MAGI2: variants seen among roughly 807,000 people sequenced by gnomAD.
MAGI2 encodes membrane associated guanylate kinase, WW and PDZ domain containing 2.
MAGI2 carries 35 observed loss-of-function variants against 133.3 expected under a neutral mutation model. That is an observed-to-expected ratio of 0.26 (90% CI 0.20 to 0.35). The LOEUF is 0.35. Among genes scored for constraint, MAGI2 ranks in the 10% least tolerant of loss-of-function variants. MAGI2 has a pLI of 1.00. For synonymous variants in MAGI2, 729 were observed against 710.6 expected, an observed-to-expected ratio of 1.03 and a Z score of -0.41; for missense variants, 1,636 against 1,863.4, an observed-to-expected ratio of 0.88 and a Z score of 2.25.
chr7:78,057,995 A>ATGTGTGTGTGTGTGTGTGTG (rs1232878816), intron 21 of MAGI2, among the ~76,000 whole-genome samples: 1 of 30,374 alleles, frequency 3.3e-5, no homozygotes, highest in African/African-American at 1.8e-4. Flanking sequence ...ATATATATAT[A>ATGTGTGTGTGTGTGTGTGTG]TATATATATG....
At chr7:78,320,383 G>A (rs545230089) in intron 9 of MAGI2, among the ~76,000 whole-genome samples, 9 of 152,182 alleles carry the variant, frequency 5.9e-5, no homozygotes, top group Admixed American at 2.6e-4. Context: ...ATAAAATACC[G>A]GCAAACCACA....
intron 2 of MAGI2, among the ~76,000 whole-genome samples, chr7:78,731,878 G>A (rs1199527725): frequency 2.0e-5 from 3 of 152,082 alleles, no homozygotes; most frequent in Non-Finnish European, 2.9e-5. Flanking sequence ...TTCTGCATAC[G>A]TGTACTCACA....
intron 10 of MAGI2, among the ~76,000 whole-genome samples, chr7:78,248,574 A>G (rs925440376): frequency 6.6e-6 from 1 of 152,172 alleles, no homozygotes; most frequent in East Asian, 1.9e-4. Context: ...AAGGGATAGA[A>G]GAAGATATTC....
chr7:79,217,602 T>G (rs1006751402), intron 1 of MAGI2, among the ~76,000 whole-genome samples: 1 of 152,026 alleles, frequency 6.6e-6, no homozygotes, highest in Non-Finnish European at 1.5e-5. Context: ...AGTTGGAATG[T>G]AAACCAGGCA....
chr7:79,435,613 G>T (rs1848081477), intron 1 of MAGI2, among the ~76,000 whole-genome samples: 1 of 68,456 alleles, frequency 1.5e-5, no homozygotes, highest in Non-Finnish European at 3.0e-5. Context: ...AACTGAGAAG[G>T]TACCTATAAA....
intron 1 of MAGI2, among the ~76,000 whole-genome samples, chr7:79,172,677 G>T (rs1225502325): frequency 6.6e-6 from 1 of 151,930 alleles, no homozygotes; most frequent in African/African-American, 2.4e-5. Context: ...ACATATTAAA[G>T]AATATATACC....
At chr7:79,032,359 A>G (rs1177009474) in intron 1 of MAGI2, among the ~76,000 whole-genome samples, 3 of 152,034 alleles carry the variant, frequency 2.0e-5, no homozygotes, top group Non-Finnish European at 2.9e-5. Context: ...TCTACTAAAA[A>G]TATAAAAAAT....
At chr7:79,422,462 T>C (rs1847033371) in intron 1 of MAGI2, among the ~76,000 whole-genome samples, 1 of 151,982 alleles carries the variant, frequency 6.6e-6, no homozygotes, top group African/African-American at 2.4e-5. Context: ...TTAATTATAA[T>C]ATCAAACAAT....
At chr7:79,229,190 T>C (rs1423585939) in intron 1 of MAGI2, among the ~76,000 whole-genome samples, 1 of 152,070 alleles carries the variant, frequency 6.6e-6, no homozygotes, top group Non-Finnish European at 1.5e-5. Flanking sequence ...ATAGTTTGTA[T>C]GGCTTATTTA....
chr7:78,032,883 C>G (rs1336502202), intron 21 of MAGI2, among the ~76,000 whole-genome samples: 2 of 151,972 alleles, frequency 1.3e-5, no homozygotes, highest in Admixed American at 1.3e-4. Context: ...TTGACATGTT[C>G]AAGGAATGAC....
intron 3 of MAGI2, among the ~76,000 whole-genome samples, chr7:78,563,265 T>G (rs1457837116): frequency 6.6e-6 from 1 of 152,154 alleles, no homozygotes; most frequent in Non-Finnish European, 1.5e-5. Flanking sequence ...TTGCTAAAAA[T>G]GCAAGACAAT....
chr7:79,149,233 C>T (rs1363349535), intron 1 of MAGI2, among the ~76,000 whole-genome samples: 5 of 149,860 alleles, frequency 3.3e-5, no homozygotes, highest in Non-Finnish European at 5.9e-5. Context: ...TACTTCTGGG[C>T]ATCTTCCTGA....
chr7:78,311,720 T>C (rs756807268), intron 9 of MAGI2, among the ~76,000 whole-genome samples: 12 of 152,304 alleles, frequency 7.9e-5, no homozygotes, highest in Middle Eastern at 3.4e-3. Context: ...ATTTAGACTT[T>C]GTCTTTTTAA....
At chr7:79,004,792 A>G (rs1807269057) in intron 2 of MAGI2, among the ~76,000 whole-genome samples, 1 of 152,158 alleles carries the variant, frequency 6.6e-6, no homozygotes, top group Non-Finnish European at 1.5e-5. Context: ...TTAAAGGTAT[A>G]CTGAGTTGGG....
At chr7:79,416,415 T>C (rs1382708830) in intron 1 of MAGI2, among the ~76,000 whole-genome samples, 1 of 151,954 alleles carries the variant, frequency 6.6e-6, no homozygotes, top group African/African-American at 2.4e-5. Context: ...AAAAAACATT[T>C]ACAAAACATC....
In MAGI2 at chr7:78,957,347, A is replaced by G. The variant is rs1450341256; in HGVS notation, c.418+49743T>C. Among the ~76,000 whole-genome samples the G allele has an allele frequency of 3.3e-5, 5 of 151,596 alleles. No homozygotes were observed. The East Asian group carries it at 7.7e-4, about 23-fold the overall frequency. The stretch of plus-strand genomic sequence containing the variant: ...AAATGCTCCTTATAAGTAAAGGAGC[A>G]TATTTCATTGCATACATGTTTTCTA... On this transcript the variant is annotated intron_variant, in intron 2 of 21. Transcript: ENST00000354212.
At chr7:79,246,038 A>C (rs1832800667) in intron 1 of MAGI2, among the ~76,000 whole-genome samples, 1 of 152,336 alleles carries the variant, frequency 6.6e-6, no homozygotes, top group Non-Finnish European at 1.5e-5. Context: ...GCAGTAACAT[A>C]TAGACCAAGG....
chr7:78,024,231 A>C (rs1808694076), intron 21 of MAGI2, among the ~76,000 whole-genome samples: 1 of 151,944 alleles, frequency 6.6e-6, no homozygotes, highest in Non-Finnish European at 1.5e-5. Context: ...ATTTTACCTG[A>C]CTTCTTTAGG....
At chr7:78,636,842 A>C (rs1348735548) in intron 2 of MAGI2, among the ~76,000 whole-genome samples, 1 of 151,932 alleles carries the variant, frequency 6.6e-6, no homozygotes, top group Non-Finnish European at 1.5e-5. Flanking sequence ...ACAACACACA[A>C]AAAACATAGG....
Sources: allele counts gnomAD v4.1 joint callset (sites outside exome capture counted in the v4.1 genomes callset), GRCh38; gene constraint gnomAD v4.1.1; transcripts MANE v1.5; gene names NCBI Gene and HGNC (gene_info 2026-07-23, HGNC 2026-07-21).